The following MECOM variants were observed in gnomAD, a reference collection of about 807,000 sequenced individuals.
The protein encoded by MECOM is histone-lysine N-methyltransferase MECOM.
A neutral mutation model predicts 116.3 loss-of-function variants in MECOM; 13 were observed. The ratio of observed to expected loss-of-function variants is 0.11; its 90% CI spans 0.07 to 0.18. The LOEUF (loss-of-function observed/expected upper bound fraction) is 0.18, where lower values mean the gene tolerates loss of function less well. MECOM is among the 10% of genes least tolerant of loss of function. The pLI is 1.00. For synonymous variants in MECOM, 528 were observed against 535.2 expected (o/e 0.99, Z 0.19); for missense variants, 1,299 against 1,509.0 (o/e 0.86, Z 2.31).
intron 2 of MECOM, among the ~76,000 whole-genome samples, chr3:169,206,944 G>A (rs1469650029): frequency 1.3e-5 from 2 of 152,006 alleles, no homozygotes; most frequent in African/African-American, 4.8e-5. Flanking sequence ...ACATTAAACA[G>A]ATTTTAAGTA....
intron 1 of MECOM, among the ~76,000 whole-genome samples, chr3:169,654,303 C>A (rs779829457): frequency 1.6e-4 from 24 of 152,158 alleles, no homozygotes; most frequent in East Asian, 7.7e-4. Context: ...ATAAACAGAG[C>A]AAAGTATGTT....
chr3:169,210,126 G>A lies in MECOM; in HGVS notation c.376-66294C>T, dbSNP rs140488103. Among the ~76,000 whole-genome samples, 3 of 152,182 alleles carry A rather than the reference G, an allele frequency of 2.0e-5. No individual in the cohort carries two copies. In the East Asian group the frequency reaches 5.8e-4, roughly 29 times the overall value. ...AGGAACAGAAAGCCAAACACCACATGTTCTCACTCATAAGTGGGACACAGG... is the reference window on the plus strand; with the variant it reads ...AGGAACAGAAAGCCAAACACCACATATTCTCACTCATAAGTGGGACACAGG... On this transcript the variant is annotated intron_variant, in intron 2 of 16. Coordinates refer to ENST00000651503, the MANE Select transcript of MECOM (RefSeq NM_004991.4).
At chr3:169,123,579 T>C (rs769264382) in intron 5 of MECOM, among the ~76,000 whole-genome samples, 3 of 152,062 alleles carry the variant, frequency 2.0e-5, no homozygotes, top group Non-Finnish European at 2.9e-5. Flanking sequence ...TAATGGATTA[T>C]GTGATAGAAG....
At chr3:169,341,608 C>T (rs1184294614) in intron 2 of MECOM, among the ~76,000 whole-genome samples, 2 of 151,436 alleles carry the variant, frequency 1.3e-5, no homozygotes, top group Admixed American at 6.6e-5. Context: ...GGCTTGGTGG[C>T]GCATGCCTGT....
At chr3:169,315,843 T>C (rs977464630) in intron 2 of MECOM, among the ~76,000 whole-genome samples, 3 of 152,162 alleles carry the variant, frequency 2.0e-5, no homozygotes, top group Non-Finnish European at 4.4e-5. Flanking sequence ...GTCACCAATG[T>C]AATGACATAG....
chr3:169,278,398 T>C (rs1196437451), intron 2 of MECOM, among the ~76,000 whole-genome samples: 1 of 152,244 alleles, frequency 6.6e-6, no homozygotes, highest in Non-Finnish European at 1.5e-5. Flanking sequence ...GGATCAATTT[T>C]ATTTTTAGTA....
rs143480431 is a variant in MECOM, at chr3:169,131,499, C to G, written c.543G>C (p.Pro181=). 1 of 1,613,756 alleles carries G rather than the reference C, an allele frequency of 6.2e-7. No individual in the cohort carries two copies. Among genetic ancestry groups the G allele is most frequent in the Non-Finnish European group, 8.5e-7 (1 of 1,179,958 alleles). Reference sequence around the variant, plus strand: ...TCATGAACAGCAGAAGCTCCTCTCCCGGCGCAATGTCTGCAACTACTCTAT... The same window carrying G: ...TCATGAACAGCAGAAGCTCCTCTCCGGGCGCAATGTCTGCAACTACTCTAT... ...IFYRVVADIA[P]GEELLLFMKS... Residue 181 remains proline (P), a synonymous_variant, in exon 4 of 17, where the codon CCG becomes CCC. Coordinates refer to ENST00000651503, the MANE Select transcript of MECOM (RefSeq NM_004991.4).
chr3:169,218,604 G>T (rs1751715719), intron 2 of MECOM, among the ~76,000 whole-genome samples: 1 of 152,164 alleles, frequency 6.6e-6, no homozygotes, highest in African/African-American at 2.4e-5. Context: ...GTAACCTGTG[G>T]TCTCACACAG....
chr3:169,146,145 A>T, intron 2 of MECOM: 4 of 904,000 alleles, frequency 4.4e-6, no homozygotes, highest in Non-Finnish European at 5.6e-6. Context: ...AGATAGCTTA[A>T]AAAAAAACCG....
At chr3:169,512,911 T>C (rs1052876331) in intron 1 of MECOM, among the ~76,000 whole-genome samples, 15 of 152,128 alleles carry the variant, frequency 9.9e-5, no homozygotes, top group African/African-American at 3.4e-4. Context: ...CTCCACCTAA[T>C]CCCTCCTAAT....
intron 2 of MECOM, among the ~76,000 whole-genome samples, chr3:169,220,194 G>T (rs901045472): frequency 6.6e-6 from 1 of 151,990 alleles, no homozygotes; most frequent in African/African-American, 2.4e-5. Context: ...TCCAGGCATG[G>T]TGGTGCACAC....
chr3:169,383,175 G>T (rs1732766175), intron 1 of MECOM, among the ~76,000 whole-genome samples: 1 of 152,126 alleles, frequency 6.6e-6, no homozygotes. Flanking sequence ...GTTTTGTGAA[G>T]TGTAAAGTGA....
intron 1 of MECOM, among the ~76,000 whole-genome samples, chr3:169,594,176 A>AAAAAAAAAC (rs1553894631): frequency 0.036 from 4,974 of 138,862 alleles, 258 homozygotes; most frequent in East Asian, 0.047. Flanking sequence ...AAAAAAAAAA[A>AAAAAAAAAC]CACCTTTTCA....
chr3:169,099,453 A>C (rs765768431), intron 12 of MECOM, among the ~76,000 whole-genome samples: 8 of 152,164 alleles, frequency 5.3e-5, no homozygotes, highest in Non-Finnish European at 1.2e-4. Context: ...GCATTCTATC[A>C]TGTATAAATT....
At chr3:169,477,111 A>G (rs1397543636) in intron 1 of MECOM, 12 of 47,786 alleles carry the variant, frequency 2.5e-4, no homozygotes, top group African/African-American at 3.6e-4. Context: ...GTGTGTATAT[A>G]TATATATATA....
chr3:169,106,457 G>GT (rs1286490878), intron 10 of MECOM, among the ~76,000 whole-genome samples: 1 of 151,960 alleles, frequency 6.6e-6, no homozygotes, highest in Non-Finnish European at 1.5e-5. Flanking sequence ...CCACATAGAG[G>GT]TTTTTTTACC....
intron 1 of MECOM, among the ~76,000 whole-genome samples, chr3:169,552,875 A>T (rs1005041977): frequency 2.0e-5 from 3 of 151,568 alleles, no homozygotes; most frequent in African/African-American, 7.3e-5. Flanking sequence ...AATCTCCATG[A>T]TTCTGTAACT....
At chr3:169,486,006 CTATATATATAT>C (rs1752296406) in intron 1 of MECOM, among the ~76,000 whole-genome samples, 1 of 108,562 alleles carries the variant, frequency 9.2e-6, no homozygotes, top group African/African-American at 4.0e-5. Flanking sequence ...TATATATATA[CTATATATATAT>C]GTATATATAG....
At chr3:169,252,568 A>C (rs1278681952) in intron 2 of MECOM, among the ~76,000 whole-genome samples, 1 of 151,728 alleles carries the variant, frequency 6.6e-6, no homozygotes. Context: ...TATATATTTA[A>C]ATGTGACATC....
Sources: gnomAD v4.1 joint callset for allele counts (sites outside exome capture counted in the v4.1 genomes callset) on GRCh38, gnomAD v4.1.1 for gene constraint, MANE v1.5 for transcripts, NCBI Gene and HGNC (gene_info 2026-07-23, HGNC 2026-07-21) for gene names.